Variants in DYNC2H1 observed in about 807,000 individuals in gnomAD.
DYNC2H1 encodes the protein dynein cytoplasmic 2 heavy chain 1, also known as cytoplasmic dynein 2 heavy chain 1.
Under a neutral mutation model 570.0 loss-of-function variants are expected in DYNC2H1, and 410 were observed. The observed-to-expected ratio is 0.72, with a 90% confidence interval of 0.66 to 0.78. The LOEUF is 0.78. Among genes scored for constraint, DYNC2H1 ranks in the 30% least tolerant of loss-of-function variants. DYNC2H1 has a pLI of 0.00. For missense variants in DYNC2H1, 4,865 were observed against 5,046.4 expected (o/e 0.96, Z 1.09); for synonymous variants, 1,688 against 1,677.6 (o/e 1.01, Z -0.15).
intron 70 of DYNC2H1, among the ~76,000 whole-genome samples, chr11:103,260,922 ATT>A (rs5794217): frequency 1.1e-3 from 169 of 147,074 alleles, no homozygotes; most frequent in South Asian, 5.6e-3. Flanking sequence ...CCCAGCCAGA[ATT>A]TTTTTTTTTT....
Position 103,289,442 on chromosome 11 carries a change from G to C in DYNC2H1, c.11095+1837G>C, listed in dbSNP as rs1223767382. ...AAGCAAGATGGAGTCGGTTAGGTCT[G>C]ATCTCTTTCACTGTCATAATTTCCT... On this transcript the variant is annotated intron_variant, in intron 75 of 88. Transcript: ENST00000375735. The surrounding 1 kb of genome is among the most constrained non-coding windows in gnomAD (Gnocchi z 4.2). Among the ~76,000 whole-genome samples, 1 of 152,142 alleles carries C rather than the reference G, an allele frequency of 6.6e-6. No individual in the cohort carries two copies.
intron 48 of DYNC2H1, among the ~76,000 whole-genome samples, chr11:103,198,708 TA>T (rs1862599561): frequency 1.3e-5 from 2 of 152,300 alleles, no homozygotes; most frequent in South Asian, 4.1e-4. Context: ...TGAAAGTTGT[TA>T]AATATGTAAA....
At chr11:103,477,918 G>GATTAAT (rs1945612910) in intron 88 of DYNC2H1, among the ~76,000 whole-genome samples, 2 of 148,802 alleles carry the variant, frequency 1.3e-5, no homozygotes, top group Non-Finnish European at 3.0e-5. Flanking sequence ...AAAGAAACTA[G>GATTAAT]GAATCATCAG....
Position 103,155,299 on chromosome 11 carries a change from A to C in DYNC2H1, c.3574-32A>C, listed in dbSNP as rs761979716. 4 of 1,547,044 alleles carry C rather than the reference A, an allele frequency of 2.6e-6. No individual in the cohort carries two copies. The South Asian group carries it at 4.9e-5, about 19-fold the overall frequency. On this transcript the variant is annotated intron_variant, in intron 24 of 88. Coordinates refer to ENST00000375735, the MANE Select transcript of DYNC2H1 (RefSeq NM_001377.3). The stretch of plus-strand genomic sequence containing the variant: ...TGCTAATATATGTATATGTGTATAC[A>C]TATGACTTTTTCTTTTTTTTTTTTG...
intron 11 of DYNC2H1, 117 bp downstream of exon 11, chr11:103,123,117 T>A: frequency 4.8e-6 from 4 of 839,458 alleles, no homozygotes; most frequent in Non-Finnish European, 3.2e-6. Context: ...CCTGTAATTT[T>A]TTTTTGTTGT....
chr11:103,211,844 TG>T lies in DYNC2H1; in HGVS notation c.8597del (p.Gly2866ValfsTer8). ...LLIHESCKAY[G>X]ATPSRYMTFL... ...TAATCCATGAATCTTGTAAAGCATATGGTGCTACACCAAGCCGATACATGAC... is the reference window on the plus strand; with the variant it reads ...TAATCCATGAATCTTGTAAAGCATATGTGCTACACCAAGCCGATACATGAC... On this transcript the variant is annotated frameshift_variant, in exon 54 of 89. Transcript: ENST00000375735. LOFTEE classifies it high-confidence loss of function. The T allele has an allele frequency of 6.8e-7, 1 of 1,479,678 alleles. No individual in the cohort carries two copies. The highest frequency in any genetic ancestry group is 1.5e-5 in the South Asian group (1 of 67,336). 91.7% of individuals were successfully genotyped at this position (1,479,678 alleles called of 1,614,324 possible).
intron 36 of DYNC2H1, among the ~76,000 whole-genome samples, chr11:103,174,715 G>C (rs544099036): frequency 6.6e-6 from 1 of 152,246 alleles, no homozygotes; most frequent in Non-Finnish European, 1.5e-5. Context: ...CAGAGGTGGA[G>C]TGTCTTTCTT....
In DYNC2H1 at chr11:103,147,910, A is replaced by G. The variant is rs139206790; in HGVS notation, c.2818+23A>G. On this transcript the variant is annotated intron_variant, in intron 19 of 88. Transcript: ENST00000375735. ...AGGGTAAATACACATTTTAATTTTT[A>G]TTTTTACTTAATTTGATATGTAGAA... 2,601 of 1,489,282 alleles carry G rather than the reference A, an allele frequency of 1.7e-3. 26 individuals are homozygous for G. In the African/African-American group the frequency reaches 0.029, roughly 16 times the overall value. 92.3% of individuals were successfully genotyped at this position (1,489,282 alleles called of 1,614,324 possible). A position where few individuals can be genotyped will look rare whatever the true frequency, so the allele number is the denominator to read the frequency against.
chr11:103,423,383 A>AT (rs1198495545), intron 84 of DYNC2H1, among the ~76,000 whole-genome samples: 1 of 150,642 alleles, frequency 6.6e-6, no homozygotes, highest in Non-Finnish European at 1.5e-5. Flanking sequence ...TACTAGAGTA[A>AT]TTAAATAGCC....
At chr11:103,375,719 C>G (rs981792805) in intron 83 of DYNC2H1, among the ~76,000 whole-genome samples, 31 of 152,176 alleles carry the variant, frequency 2.0e-4, no homozygotes, top group African/African-American at 7.2e-4. Flanking sequence ...GTGTAGTAGC[C>G]AGTGTCTGTA....
At chr11:103,309,093 G>C (rs1247132764) in intron 78 of DYNC2H1, among the ~76,000 whole-genome samples, 1 of 147,784 alleles carries the variant, frequency 6.8e-6, no homozygotes, top group Non-Finnish European at 1.5e-5. Context: ...ATGATATTTT[G>C]TGATTTGTCA....
intron 12 of DYNC2H1, among the ~76,000 whole-genome samples, chr11:103,126,880 C>T (rs1433290831): frequency 3.3e-5 from 5 of 152,132 alleles, no homozygotes; most frequent in East Asian, 1.9e-4. Flanking sequence ...CCTTGTGATC[C>T]GCCTACCTTG....
At chr11:103,341,147 A>C (rs114063235) in intron 82 of DYNC2H1, among the ~76,000 whole-genome samples, 2,011 of 152,274 alleles carry the variant, frequency 0.013, 48 homozygotes, top group African/African-American at 0.046. Flanking sequence ...TGTAGCACCC[A>C]GCTGCTATCT....
At chr11:103,317,823 C>G (rs1022164945) in intron 80 of DYNC2H1, among the ~76,000 whole-genome samples, 2 of 152,124 alleles carry the variant, frequency 1.3e-5, no homozygotes, top group African/African-American at 4.8e-5. Flanking sequence ...TAATCATTCT[C>G]TATCCCTTTG....
chr11:103,479,008 A>G, intron 88 of DYNC2H1, 87 bp from the exon 89 acceptor site: 1 of 1,397,348 alleles, frequency 7.2e-7, no homozygotes, highest in Admixed American at 2.0e-5. Context: ...ATAATATAAT[A>G]TTAATATGTT....
chr11:103,219,544 G>A (rs553167339), intron 55 of DYNC2H1, among the ~76,000 whole-genome samples: 2 of 152,290 alleles, frequency 1.3e-5, no homozygotes, highest in Admixed American at 6.5e-5. Flanking sequence ...CCCAGGAGGT[G>A]GAGGTTGAAG....
rs145501634 is a variant in DYNC2H1 at position 103,202,927 on chromosome 11, T to A, written c.8198-736T>A. 1.9e-3 allele frequency among the ~76,000 whole-genome samples: 284 copies of A among 152,292 alleles called. 1 individual carries two copies. Among genetic ancestry groups the A allele is most frequent in the African/African-American group, 6.3e-3 (263 of 41,584 alleles). On this transcript the variant is annotated intron_variant, in intron 50 of 88. Transcript: ENST00000375735. ...AGTCTTAATCAACTTTGATTTGCCT[T>A]TCATCATTCTATTCATCATCATGAT...
chr11:103,276,925 A>C (rs1352167564), intron 70 of DYNC2H1, among the ~76,000 whole-genome samples: 1 of 152,108 alleles, frequency 6.6e-6, no homozygotes, highest in Non-Finnish European at 1.5e-5. Context: ...CCCTCCAAAA[A>C]AGACAGAGTC....
Position 103,184,968 on chromosome 11 carries a change from G to C in DYNC2H1, c.6550G>C (p.Asp2184His), listed in dbSNP as rs755856901. The C allele has an allele frequency of 6.2e-7, 1 of 1,611,030 alleles. No homozygotes were observed. The highest frequency in any genetic ancestry group is 8.5e-7 in the Non-Finnish European group (1 of 1,178,046). The change falls in exon 41 of 89, where the codon GAT (aspartate) becomes CAT (histidine). Residue 2184 changes from aspartate (D) to histidine (H), a missense_variant. By Grantham distance (81) the Asp-to-His change is moderately conservative. Around this residue, in one of 5 missense-constraint regions of DYNC2H1, gnomAD observed 231 missense variants for 310.3 expected, o/e 0.74. Transcript: ENST00000375735. ...NGLSHLHGCRDHDEFIINLIR... is the reference protein window; with the variant it reads ...NGLSHLHGCRHHDEFIINLIR... ...TTTGTCACATCTACATGGTTGCAGAGATCATGACGAATTCATTATTAATCT... is the reference window on the plus strand; with the variant it reads ...TTTGTCACATCTACATGGTTGCAGACATCATGACGAATTCATTATTAATCT...
Sources: gnomAD v4.1 joint callset for allele counts (sites outside exome capture counted in the v4.1 genomes callset) on GRCh38, gnomAD v4.1.1 for gene constraint, gnomAD v4.1.1 regional missense constraint, Gnocchi (gnomAD v3.1) non-coding constraint, MANE v1.5 for transcripts, NCBI Gene and HGNC (gene_info 2026-07-23, HGNC 2026-07-21) for gene names.